Variants in SGSM1 observed in about 807,000 individuals in gnomAD.
SGSM1 encodes the protein small G protein signaling modulator 1, also known as RUN and TBC1 domain containing 2.
In SGSM1, 73 loss-of-function variants were observed where a neutral mutation model predicts 133.8. The observed-to-expected ratio is 0.55, with a 90% CI of 0.45 to 0.66. SGSM1 has a LOEUF of 0.66. Ranked by LOEUF, SGSM1 falls within the 30% of genes least tolerant of loss-of-function variation. The pLI, the probability that SGSM1 is intolerant of heterozygous loss-of-function variation, is 0.00. For synonymous variants in SGSM1, 563 were observed against 573.0 expected (o/e 0.98, Z 0.25); for missense variants, 1,213 against 1,448.1 (o/e 0.84, Z 2.64).
chr22:24,840,261 G>C (rs1309050624), intron 2 of SGSM1, among the ~76,000 whole-genome samples: 2 of 150,252 alleles, frequency 1.3e-5, no homozygotes, highest in South Asian at 2.1e-4. Context: ...AACATGTCTT[G>C]ATTTTGTTAG....
At chr22:24,807,219 A>G (rs553098586) in intron 2 of SGSM1, among the ~76,000 whole-genome samples, 86 of 152,194 alleles carry the variant, frequency 5.7e-4, no homozygotes, top group Middle Eastern at 6.8e-3. Context: ...GACAGAATTT[A>G]TAGTCCTTGG....
chr22:24,884,574 C>T (rs9620449), intron 15 of SGSM1, among the ~76,000 whole-genome samples: 4,299 of 152,274 alleles, frequency 0.028, 205 homozygotes, highest in African/African-American at 0.097. Flanking sequence ...CTGTCAAACA[C>T]GGTGAAACCC....
intron 22 of SGSM1, among the ~76,000 whole-genome samples, chr22:24,914,561 A>G (rs1933754935): frequency 6.6e-6 from 1 of 151,728 alleles, no homozygotes. Context: ...CTGTCCTCCC[A>G]GTGGTAAGCA....
intron 12 of SGSM1, 123 bp from the exon 13 acceptor site, chr22:24,876,454 A>T: frequency 4.0e-6 from 5 of 1,258,456 alleles, no homozygotes; most frequent in Non-Finnish European, 5.6e-6. Flanking sequence ...TGTCATCTTC[A>T]GGGTCTTTTC....
chr22:24,896,912 GGTT>G (rs1234689946), intron 18 of SGSM1, among the ~76,000 whole-genome samples: 11 of 152,160 alleles, frequency 7.2e-5, no homozygotes, highest in African/African-American at 2.7e-4. Context: ...GGGAGGCGGA[GGTT>G]GTGGTGAGCC....
At chr22:24,869,574 A>G (rs1371004198) in intron 12 of SGSM1, among the ~76,000 whole-genome samples, 1 of 152,230 alleles carries the variant, frequency 6.6e-6, no homozygotes, top group Non-Finnish European at 1.5e-5. Flanking sequence ...TTTCACACAT[A>G]CAGAACACTC....
chr22:24,879,825 T>G (rs919868952), intron 14 of SGSM1, among the ~76,000 whole-genome samples: 1 of 152,140 alleles, frequency 6.6e-6, no homozygotes, highest in African/African-American at 2.4e-5. Context: ...AGGATTTGTT[T>G]TCAGGATTGA....
intron 20 of SGSM1, among the ~76,000 whole-genome samples, chr22:24,902,198 C>T (rs986205917): frequency 6.6e-6 from 1 of 152,150 alleles, no homozygotes; most frequent in Non-Finnish European, 1.5e-5. Flanking sequence ...TTCCTCAACC[C>T]GACGAGGTAT....
At chr22:24,844,868 C>T in intron 2 of SGSM1, 29 bp from the exon 3 acceptor site, 1 of 1,612,248 alleles carries the variant, frequency 6.2e-7, no homozygotes, top group Non-Finnish European at 8.5e-7. Context: ...CCTTGGACCT[C>T]TTCCCCTCCG....
In SGSM1 at chr22:24,876,644, G is replaced by A; in HGVS notation, c.1359G>A (p.Lys453=). The A allele has an allele frequency of 1.9e-6, 3 of 1,614,026 alleles. No homozygotes were observed. The highest frequency in any genetic ancestry group is 1.6e-4 in the Middle Eastern group (1 of 6,062). The change falls in exon 13 of 25, where the codon AAG becomes AAA. Residue 453 remains lysine, a synonymous_variant. Transcript: ENST00000400358. The part of the protein sequence containing the change: ...LPSLWQPSPR[K]SSCSSCSQSG... Reference sequence around the variant, plus strand: ...CCCTGTGGCAGCCCAGTCCCCGGAAGTCCTCCTGTTCATCCTGTTCACAGA... The same window carrying A: ...CCCTGTGGCAGCCCAGTCCCCGGAAATCCTCCTGTTCATCCTGTTCACAGA...
At chr22:24,826,813 G>A (rs1382864965) in intron 2 of SGSM1, among the ~76,000 whole-genome samples, 1 of 152,080 alleles carries the variant, frequency 6.6e-6, no homozygotes, top group African/African-American at 2.4e-5. Context: ...AGCCCTCATG[G>A]TGTGCCCGGC....
intron 3 of SGSM1, 21 bp downstream of exon 3, chr22:24,844,993 A>G (rs770633570): frequency 3.1e-6 from 5 of 1,612,638 alleles, no homozygotes; most frequent in Admixed American, 3.3e-5. Flanking sequence ...GACCTGGGAA[A>G]GTGGCTTCTT....
In SGSM1 at chr22:24,862,996, A is replaced by T. The variant is rs186760379; in HGVS notation, c.926+3156A>T. On this transcript the variant is annotated intron_variant, in intron 9 of 24. Transcript: ENST00000400358. ...GGACCCTGTTTGTTGCTTGGACTTGAGCCCAGGGTTGTGTGGGCCAGAAAC... is the reference window on the plus strand; with the variant it reads ...GGACCCTGTTTGTTGCTTGGACTTGTGCCCAGGGTTGTGTGGGCCAGAAAC... 1.4e-4 allele frequency among the ~76,000 whole-genome samples: 21 copies of T among 152,278 alleles called. No homozygotes were observed. In the East Asian group the frequency reaches 3.5e-3, roughly 25 times the overall value.
chr22:24,872,381 T>C (rs139199352), intron 12 of SGSM1, among the ~76,000 whole-genome samples: 1 of 152,276 alleles, frequency 6.6e-6, no homozygotes, highest in East Asian at 1.9e-4. Flanking sequence ...CTGTACTGTC[T>C]AGCAGGGTAG....
intron 22 of SGSM1, among the ~76,000 whole-genome samples, chr22:24,915,299 A>G (rs1933784834): frequency 6.6e-6 from 1 of 152,256 alleles, no homozygotes; most frequent in Non-Finnish European, 1.5e-5. Flanking sequence ...TCCCTGCTGC[A>G]TGCACGCAAC....
At chr22:24,881,119 G>T (rs1932289933) in intron 14 of SGSM1, among the ~76,000 whole-genome samples, 2 of 145,376 alleles carry the variant, frequency 1.4e-5, no homozygotes, top group African/African-American at 5.1e-5. Flanking sequence ...CTTGAACCCA[G>T]GAGGCAGAGG....
chr22:24,884,907 A>G (rs955283044), intron 15 of SGSM1, among the ~76,000 whole-genome samples: 1 of 152,176 alleles, frequency 6.6e-6, no homozygotes, highest in African/African-American at 2.4e-5. Flanking sequence ...TTAGTGTATG[A>G]GGTAGCAGCG....
At chr22:24,847,410 C>A (rs561163533) in intron 3 of SGSM1, among the ~76,000 whole-genome samples, 1 of 152,286 alleles carries the variant, frequency 6.6e-6, no homozygotes, top group East Asian at 1.9e-4. Flanking sequence ...TTATCCGACA[C>A]CCAGCAGATG....
chr22:24,853,618 T>C (rs1441564391), intron 5 of SGSM1, among the ~76,000 whole-genome samples: 14 of 151,990 alleles, frequency 9.2e-5, no homozygotes, highest in Admixed American at 9.2e-4. Context: ...CACTTCTTTT[T>C]TTTTTTGAGA....
Sources: gnomAD v4.1 joint callset for allele counts (sites outside exome capture counted in the v4.1 genomes callset) on GRCh38, gnomAD v4.1.1 for gene constraint, MANE v1.5 for transcripts, NCBI Gene and HGNC (gene_info 2026-07-23, HGNC 2026-07-21) for gene names.